Variants in EEFSEC observed in about 807,000 individuals in gnomAD.
EEFSEC encodes the protein eukaryotic elongation factor, selenocysteine-tRNA specific, also known as selenocysteine-specific elongation factor.
Under a neutral mutation model 42.1 loss-of-function variants are expected in EEFSEC, and 43 were observed. The observed-to-expected ratio is 1.02, with a 90% CI of 0.80 to 1.32. The LOEUF is 1.32. Among genes scored for constraint, EEFSEC ranks in the 40% most tolerant of loss-of-function variants. The pLI is 0.00. For synonymous variants in EEFSEC, 354 were observed against 339.1 expected (o/e 1.04, Z -0.48); for missense variants, 745 against 803.6 (o/e 0.93, Z 0.88).
chr3:128,167,090 C>CAGACTGTGCTCTCTCATGCTGCAT (rs2065249028), intron 1 of EEFSEC, among the ~76,000 whole-genome samples: 1 of 152,166 alleles, frequency 6.6e-6, no homozygotes, highest in Non-Finnish European at 1.5e-5. Context: ...TGTGGACAGA[C>CAGACTGTGCTCTCTCATGCTGCAT]AGACTGTGCT....
chr3:128,155,717 G>T (rs1438313244), intron 1 of EEFSEC, among the ~76,000 whole-genome samples: 1 of 152,136 alleles, frequency 6.6e-6, no homozygotes, highest in African/African-American at 2.4e-5. Flanking sequence ...TGGTCACTGG[G>T]CATTCTGGGT....
intron 6 of EEFSEC, among the ~76,000 whole-genome samples, chr3:128,393,691 A>AC (rs2067944152): frequency 6.6e-6 from 1 of 152,236 alleles, no homozygotes; most frequent in South Asian, 2.1e-4. Flanking sequence ...GCCACTAGAC[A>AC]AGGCCCTCTA....
intron 6 of EEFSEC, 134 bp downstream of exon 6, chr3:128,358,507 C>T: frequency 7.6e-7 from 1 of 1,307,912 alleles, no homozygotes. Flanking sequence ...GTGACTTGGC[C>T]TGCCTGGCAG....
the EEFSEC span, among the ~76,000 whole-genome samples, chr3:128,425,658 C>A: frequency 1.3e-5 from 2 of 152,234 alleles, no homozygotes; most frequent in African/African-American, 4.8e-5. Context: ...CCAGGCCAGG[C>A]GCGGTGCTCC....
intron 6 of EEFSEC, among the ~76,000 whole-genome samples, chr3:128,383,378 T>G (rs1280132763): frequency 1.3e-5 from 2 of 152,230 alleles, no homozygotes; most frequent in African/African-American, 4.8e-5. Context: ...GGAATAAAAA[T>G]AGTAAACATT....
chr3:128,387,976 G>A (rs1051990134), intron 6 of EEFSEC, among the ~76,000 whole-genome samples: 6 of 152,202 alleles, frequency 3.9e-5, no homozygotes, highest in Admixed American at 1.3e-4. Flanking sequence ...CACGAGCAGA[G>A]ACCTGGAAGC....
intron 4 of EEFSEC, among the ~76,000 whole-genome samples, chr3:128,333,801 TA>T (rs1359107645): frequency 6.6e-6 from 1 of 152,068 alleles, no homozygotes; most frequent in Non-Finnish European, 1.5e-5. Flanking sequence ...AAGTGCATGG[TA>T]AAGGGAAACC....
At chr3:128,184,268 A>G (rs2065442045) in intron 1 of EEFSEC, among the ~76,000 whole-genome samples, 1 of 152,230 alleles carries the variant, frequency 6.6e-6, no homozygotes, top group Non-Finnish European at 1.5e-5. Context: ...TAGTGCAACC[A>G]TCACTGCTAT....
chr3:128,341,229 T>G lies in EEFSEC; in HGVS notation c.787-4T>G. On this transcript the variant is annotated splice_polypyrimidine_tract_variant and splice_region_variant and intron_variant, in intron 4 of 6. Coordinates refer to ENST00000254730, the MANE Select transcript of EEFSEC (RefSeq NM_021937.5). Reference sequence around the variant, plus strand: ...CATGTGCTCTCTTGCTTACTCCCCATCAGGTGGTGAAGAAGGTGAAGTCCA... The same window carrying G: ...CATGTGCTCTCTTGCTTACTCCCCAGCAGGTGGTGAAGAAGGTGAAGTCCA... 2 of 1,598,262 alleles carry G rather than the reference T, an allele frequency of 1.3e-6. No individual in the cohort carries two copies. The highest frequency in any genetic ancestry group is 1.7e-6 in the Non-Finnish European group (2 of 1,171,972).
chr3:128,405,085 C>A (rs9682894), intron 6 of EEFSEC, among the ~76,000 whole-genome samples: 2 of 151,060 alleles, frequency 1.3e-5, no homozygotes, highest in African/African-American at 2.4e-5. Flanking sequence ...AGCGCAATCT[C>A]GGCTCACTGC....
At chr3:128,273,330 A>G (rs572813146) in intron 4 of EEFSEC, among the ~76,000 whole-genome samples, 18 of 152,196 alleles carry the variant, frequency 1.2e-4, no homozygotes, top group Admixed American at 7.2e-4. Context: ...GACAGTCGCC[A>G]GGCAAAGATG....
chr3:128,285,750 C>T (rs2107974941), intron 4 of EEFSEC, among the ~76,000 whole-genome samples: 1 of 152,234 alleles, frequency 6.6e-6, no homozygotes, highest in South Asian at 2.1e-4. Flanking sequence ...AGCGTCAGGC[C>T]AGTCCCACGT....
intron 2 of EEFSEC, among the ~76,000 whole-genome samples, chr3:128,261,897 A>G (rs1226089136): frequency 6.6e-5 from 10 of 152,150 alleles, no homozygotes; most frequent in Admixed American, 6.5e-4. Context: ...AGAGCCCTTT[A>G]AAATTCTGAT....
intron 6 of EEFSEC, among the ~76,000 whole-genome samples, chr3:128,386,230 G>C (rs575000167): frequency 3.9e-5 from 6 of 152,084 alleles, no homozygotes; most frequent in Non-Finnish European, 5.9e-5. Flanking sequence ...GGTTCAGGTG[G>C]GCCTTCCAAG....
chr3:128,385,392 G>C (rs2067826923), intron 6 of EEFSEC, among the ~76,000 whole-genome samples: 1 of 152,224 alleles, frequency 6.6e-6, no homozygotes, highest in South Asian at 2.1e-4. Flanking sequence ...GCCACCTGCT[G>C]CCCTGGGAAT....
chr3:128,209,128 AAAG>A (rs1160121589), intron 1 of EEFSEC, among the ~76,000 whole-genome samples: 2 of 152,234 alleles, frequency 1.3e-5, no homozygotes, highest in African/African-American at 4.8e-5. Context: ...TAATGTGGGG[AAAG>A]AAGAGAACCC....
intron 5 of EEFSEC, among the ~76,000 whole-genome samples, chr3:128,342,937 T>G (rs879754558): frequency 3.3e-5 from 5 of 152,178 alleles, no homozygotes; most frequent in Non-Finnish European, 5.9e-5. Context: ...CCGTCTCTTC[T>G]AGAAGGCTAG....
intron 2 of EEFSEC, among the ~76,000 whole-genome samples, chr3:128,250,929 T>TTTTA (rs2066179834): frequency 6.7e-6 from 1 of 149,308 alleles, no homozygotes; most frequent in Non-Finnish European, 1.5e-5. Flanking sequence ...TTTTTTTTTT[T>TTTTA]AGCAATGTTT....
intron 4 of EEFSEC, among the ~76,000 whole-genome samples, chr3:128,308,902 T>C (rs981293607): frequency 6.6e-6 from 1 of 152,266 alleles, no homozygotes; most frequent in African/African-American, 2.4e-5. Context: ...ATGGAGCTGC[T>C]GATCCCTGTC....
Sources: allele counts gnomAD v4.1 joint callset (sites outside exome capture counted in the v4.1 genomes callset), GRCh38; gene constraint gnomAD v4.1.1; transcripts MANE v1.5; gene names NCBI Gene and HGNC (gene_info 2026-07-23, HGNC 2026-07-21).